The following USP37 variants were observed in gnomAD, a reference collection of about 807,000 sequenced individuals.
The protein encoded by USP37 is ubiquitin carboxyl-terminal hydrolase 37.
A neutral mutation model predicts 124.0 loss-of-function variants in USP37; 27 were observed. The ratio of observed to expected loss-of-function variants is 0.22; its 90% CI spans 0.16 to 0.30. The LOEUF (loss-of-function observed/expected upper bound fraction) is 0.30, where lower values mean the gene tolerates loss of function less well. USP37 is among the 10% of genes least tolerant of loss of function. USP37 has a pLI of 1.00. For synonymous variants in USP37, 365 were observed against 388.0 expected, an observed-to-expected ratio of 0.94 and a Z score of 0.70; for missense variants, 889 against 1,140.4, an observed-to-expected ratio of 0.78 and a Z score of 3.17.
chr2:218,525,434 T>C (rs1198490920), intron 10 of USP37, among the ~76,000 whole-genome samples: 4 of 152,174 alleles, frequency 2.6e-5, no homozygotes, highest in Non-Finnish European at 5.9e-5. Context: ...CAGTGAGCCA[T>C]GATTATGCCA....
At chr2:218,547,162 A>C in intron 6 of USP37, 71 bp from the exon 7 acceptor site, 1 of 1,483,082 alleles carries the variant, frequency 6.7e-7, no homozygotes, top group East Asian at 2.3e-5. Context: ...GTGATTCTCC[A>C]ATGGAAAGGT....
At chr2:218,472,015 G>A (rs1228333664) in intron 20 of USP37, among the ~76,000 whole-genome samples, 2 of 146,096 alleles carry the variant, frequency 1.4e-5, no homozygotes, top group Non-Finnish European at 3.0e-5. Flanking sequence ...GGGTGACAGA[G>A]AGAGACTTGG....
intron 14 of USP37, among the ~76,000 whole-genome samples, chr2:218,490,576 C>T (rs1265805603): frequency 6.6e-6 from 1 of 152,124 alleles, no homozygotes; most frequent in East Asian, 1.9e-4. Flanking sequence ...TACCCTAATT[C>T]CCTACTGTTA....
chr2:218,546,370 A>T, intron 7 of USP37, 72 bp from the exon 8 acceptor site: 2 of 1,037,056 alleles, frequency 1.9e-6, no homozygotes, highest in Middle Eastern at 2.7e-4. Flanking sequence ...AAATCAACAT[A>T]CTGAAGGACA....
chr2:218,552,877 G>A lies in USP37; in HGVS notation c.328+676C>T, dbSNP rs538773052. Among the ~76,000 whole-genome samples the A allele has an allele frequency of 3.3e-3, 501 of 152,114 alleles. 2 individuals carry two copies. Among genetic ancestry groups the A allele is most frequent in the African/African-American group, 0.012 (481 of 41,486 alleles). On this transcript the variant is annotated intron_variant, in intron 5 of 25. Coordinates refer to ENST00000258399, the MANE Select transcript of USP37 (RefSeq NM_020935.3). ...AGGTTGCAGTGAGCTGAGATCACAC[G>A]ACTGCACTCCAGCCTAGGTGTTAGA...
At position 218,454,748 on chromosome 2, in the gene USP37, A is replaced by G; in HGVS notation, c.*182T>C. Reference sequence around the variant, plus strand: ...TAATCAGCTACGGATGTGAGACCAAAGTTTCCATAAAATAGCATGGAGCAT... The same window carrying G: ...TAATCAGCTACGGATGTGAGACCAAGGTTTCCATAAAATAGCATGGAGCAT... On this transcript the variant is annotated 3_prime_UTR_variant, in exon 26 of 26. Coordinates refer to ENST00000258399, the MANE Select transcript of USP37 (RefSeq NM_020935.3). 3 of 1,304,392 alleles carry G rather than the reference A, an allele frequency of 2.3e-6. No homozygotes were observed. Among genetic ancestry groups the G allele is most frequent in the Non-Finnish European group, 3.0e-6 (3 of 989,954 alleles). The allele number at this position is 1,304,392 out of a possible 1,614,324, so 80.8% of individuals were successfully genotyped here. A position where few individuals can be genotyped will look rare whatever the true frequency, so the allele number is the denominator to read the frequency against.
chr2:218,507,722 G>A (rs370002837), intron 11 of USP37, among the ~76,000 whole-genome samples: 40 of 152,178 alleles, frequency 2.6e-4, no homozygotes, highest in African/African-American at 7.9e-4. Context: ...AGGTTGGCAC[G>A]TCTTGTTTCC....
At chr2:218,477,235 G>A (rs944086580) in intron 18 of USP37, among the ~76,000 whole-genome samples, 2 of 152,026 alleles carry the variant, frequency 1.3e-5, no homozygotes, top group African/African-American at 4.8e-5. Flanking sequence ...TTCTTTTAAT[G>A]ATCAACCCCA....
intron 5 of USP37, among the ~76,000 whole-genome samples, chr2:218,550,437 T>C: frequency 1.2e-5 from 1 of 82,730 alleles, no homozygotes; most frequent in Admixed American, 1.2e-4. Context: ...TTAAAAATAT[T>C]TTATAATTAA....
At position 218,482,053 on chromosome 2, in the gene USP37, G is replaced by A. The variant is rs1574862076; in HGVS notation, c.1835+17C>T. 2 of 1,580,398 alleles carry A rather than the reference G, an allele frequency of 1.3e-6. No individual in the cohort carries two copies. Among genetic ancestry groups the A allele is most frequent in the Non-Finnish European group, 8.6e-7 (1 of 1,161,244 alleles). On this transcript the variant is annotated intron_variant, in intron 17 of 25. Coordinates refer to ENST00000258399, the MANE Select transcript of USP37 (RefSeq NM_020935.3). ...TTTCAAAAGGGAATATAAAGACATA[G>A]TCTCTCAAGGACTTACATTGCCATA...
intron 8 of USP37, among the ~76,000 whole-genome samples, chr2:218,537,385 G>A (rs1419905882): frequency 2.6e-5 from 4 of 152,150 alleles, no homozygotes; most frequent in Admixed American, 2.6e-4. Flanking sequence ...GTTAACAGTG[G>A]AAGACACATG....
rs1182316175 is a variant in USP37 at position 218,451,371 on chromosome 2, C to A, written c.*3559G>T. On this transcript the variant is annotated 3_prime_UTR_variant, in exon 26 of 26. Transcript: ENST00000258399. ...GCCCCCTGTTTAAAACAAAAGACCA[C>A]CTCGGGGGGTCAATTAAATTAAAAA... is the stretch of plus-strand genomic sequence containing the variant. 2 of 152,268 alleles carry A rather than the reference C, an allele frequency of 1.3e-5. No individual in the cohort carries two copies. The highest frequency in any genetic ancestry group is 1.9e-4 in the East Asian group (1 of 5,188). 9.4% of individuals were successfully genotyped at this position (152,268 alleles called of 1,614,324 possible). A position where few individuals can be genotyped will look rare whatever the true frequency, so the allele number is the denominator to read the frequency against.
At chr2:218,509,854 T>TTA (rs1689881745) in intron 11 of USP37, 125 bp downstream of exon 11, 5 of 917,450 alleles carry the variant, frequency 5.4e-6, no homozygotes, top group Non-Finnish European at 7.5e-6. Flanking sequence ...AAATCTTTAA[T>TTA]AAGTGATCTA....
chr2:218,460,093 A>AC (rs1254503022), intron 22 of USP37, among the ~76,000 whole-genome samples, 188 bp from the exon 23 acceptor site: 1 of 148,042 alleles, frequency 6.8e-6, no homozygotes, highest in African/African-American at 2.5e-5. Flanking sequence ...TAAAAATACA[A>AC]AAAAAAAAAA....
At chr2:218,510,696 C>T (rs1329722745) in intron 10 of USP37, among the ~76,000 whole-genome samples, 1 of 152,076 alleles carries the variant, frequency 6.6e-6, no homozygotes, top group Non-Finnish European at 1.5e-5. Flanking sequence ...TTATTATTAT[C>T]AGTTTTAATT....
chr2:218,495,666 A>C (rs1574882709), intron 14 of USP37, 94 bp downstream of exon 14: 1 of 1,378,210 alleles, frequency 7.3e-7, no homozygotes, highest in East Asian at 2.4e-5. Context: ...TTAAAAACAG[A>C]AAAGAATTCA....
chr2:218,498,934 T>A (rs1012498128), intron 11 of USP37, among the ~76,000 whole-genome samples: 2 of 152,182 alleles, frequency 1.3e-5, no homozygotes, highest in Non-Finnish European at 2.9e-5. Context: ...ATAGAATATA[T>A]GTGTTTAGGT....
chr2:218,498,600 C>T (rs1181153856), intron 11 of USP37, among the ~76,000 whole-genome samples: 4 of 152,020 alleles, frequency 2.6e-5, no homozygotes, highest in Admixed American at 6.6e-5. Flanking sequence ...TGGTGGTATG[C>T]GCCTGTAATC....
intron 21 of USP37, among the ~76,000 whole-genome samples, chr2:218,463,764 T>C (rs1272054190): frequency 6.6e-6 from 1 of 151,774 alleles, no homozygotes; most frequent in Admixed American, 6.6e-5. Flanking sequence ...CTCAATCTCC[T>C]GACCTTGTGA....
Sources: gnomAD v4.1 joint callset for allele counts (sites outside exome capture counted in the v4.1 genomes callset) on GRCh38, gnomAD v4.1.1 for gene constraint, MANE v1.5 for transcripts, NCBI Gene and HGNC (gene_info 2026-07-23, HGNC 2026-07-21) for gene names.